Variants in CPNE4 observed in about 807,000 individuals in gnomAD.
CPNE4 encodes copine-4.
CPNE4 carries 25 observed loss-of-function variants against 67.9 expected under a neutral mutation model. That is an observed-to-expected ratio of 0.37 (90% CI 0.27 to 0.51). CPNE4 has a LOEUF of 0.51. Ranked by LOEUF, CPNE4 falls within the 20% of genes least tolerant of loss-of-function variation. The pLI, the probability that CPNE4 is intolerant of heterozygous loss-of-function variation, is 0.93. For missense variants in CPNE4, 464 were observed against 690.8 expected (o/e 0.67, Z 3.68); for synonymous variants, 242 against 244.9 (o/e 0.99, Z 0.11).
chr3:131,725,057 T>C (rs921874810), intron 2 of CPNE4, among the ~76,000 whole-genome samples: 1 of 152,218 alleles, frequency 6.6e-6, no homozygotes, highest in Admixed American at 6.5e-5. Context: ...AATAGAAATA[T>C]GGTTTATTGG....
intron 7 of CPNE4, among the ~76,000 whole-genome samples, chr3:131,607,852 TAGG>T (rs1407250718): frequency 2.0e-5 from 3 of 152,170 alleles, no homozygotes; most frequent in Admixed American, 6.6e-5. Context: ...TGCCTATTAC[TAGG>T]AGGAGGTAAA....
intron 2 of CPNE4, among the ~76,000 whole-genome samples, chr3:131,816,019 C>T (rs1334355755): frequency 1.3e-5 from 2 of 152,174 alleles, no homozygotes; most frequent in East Asian, 3.8e-4. Context: ...CCATAGTTAG[C>T]TTGGCCTATG....
chr3:131,947,004 A>G (rs1229783912), intron 1 of CPNE4, among the ~76,000 whole-genome samples: 1 of 152,130 alleles, frequency 6.6e-6, no homozygotes, highest in African/African-American at 2.4e-5. Flanking sequence ...TCAAGAATCA[A>G]TTGGTCATAG....
At chr3:131,845,355 A>G (rs942713791) in intron 2 of CPNE4, among the ~76,000 whole-genome samples, 6 of 152,216 alleles carry the variant, frequency 3.9e-5, no homozygotes, top group Admixed American at 3.9e-4. Context: ...TAAAAAAGAT[A>G]AATGTTTTAC....
chr3:131,746,225 T>C lies in CPNE4; in HGVS notation c.181-22600A>G, dbSNP rs569669517. ...CATATATAGTGTGATAATCAAACCA[T>C]GGTAATTAGCATGCCCACCATCTTA... On this transcript the variant is annotated intron_variant, in intron 2 of 15. Coordinates refer to ENST00000429747, the MANE Select transcript of CPNE4 (RefSeq NM_130808.3). Among the ~76,000 whole-genome samples, 12 of 152,232 alleles carry C rather than the reference T, an allele frequency of 7.9e-5. No individual in the cohort carries two copies. In the South Asian group the frequency reaches 2.3e-3, roughly 29 times the overall value.
intron 2 of CPNE4, among the ~76,000 whole-genome samples, chr3:131,895,599 A>T (rs1001841840): frequency 3.3e-5 from 5 of 152,080 alleles, no homozygotes; most frequent in Admixed American, 1.3e-4. Flanking sequence ...ATGAAAATTT[A>T]TACTAACAAA....
At chr3:131,844,770 T>C (rs1021977160) in intron 2 of CPNE4, among the ~76,000 whole-genome samples, 6 of 152,224 alleles carry the variant, frequency 3.9e-5, no homozygotes, top group African/African-American at 1.4e-4. Flanking sequence ...TCCCATTCCA[T>C]TTTTAATTTT....
intron 2 of CPNE4, among the ~76,000 whole-genome samples, chr3:131,840,242 T>C (rs1341991869): frequency 1.3e-5 from 2 of 152,202 alleles, no homozygotes; most frequent in Non-Finnish European, 1.5e-5. Context: ...CCATTAGTCA[T>C]TTGGATCATT....
At chr3:131,714,238 C>T (rs764568549) in intron 3 of CPNE4, among the ~76,000 whole-genome samples, 5 of 152,070 alleles carry the variant, frequency 3.3e-5, no homozygotes, top group Non-Finnish European at 7.4e-5. Flanking sequence ...TGGCTCATCC[C>T]GACACTAAAC....
rs115182677 is a variant in CPNE4 at position 131,867,609 on chromosome 3, T to C, written c.180+37655A>G. ...TGTTCTCAGAAAATGCTAGTAACTT[T>C]CCTACCACAACTGCCTTTGATAGTT... On this transcript the variant is annotated intron_variant, in intron 2 of 15. Transcript: ENST00000429747. Among the ~76,000 whole-genome samples the C allele has an allele frequency of 8.4e-3, 1,284 of 152,240 alleles. 14 individuals are homozygous for C. The highest frequency in any genetic ancestry group is 0.029 in the African/African-American group (1,188 of 41,532).
chr3:131,878,413 T>A (rs565382668), intron 2 of CPNE4, among the ~76,000 whole-genome samples: 1 of 152,134 alleles, frequency 6.6e-6, no homozygotes, highest in South Asian at 2.1e-4. Flanking sequence ...TCAAAGATAA[T>A]AAAAAATAAT....
intron 2 of CPNE4, among the ~76,000 whole-genome samples, chr3:131,886,701 C>T (rs1407632975): frequency 7.3e-6 from 1 of 136,346 alleles, no homozygotes; most frequent in Non-Finnish European, 1.7e-5. Context: ...ATCAGTGTGA[C>T]CTGGATGTAA....
At chr3:131,842,222 G>A (rs2085814127) in intron 2 of CPNE4, among the ~76,000 whole-genome samples, 1 of 152,218 alleles carries the variant, frequency 6.6e-6, no homozygotes, top group East Asian at 1.9e-4. Flanking sequence ...ACAAAGAATG[G>A]GAATGGGCCA....
chr3:132,017,521 T>C (rs2073912001), intron 1 of CPNE4: 1 of 152,242 alleles, frequency 6.6e-6, no homozygotes, highest in African/African-American at 2.4e-5. Context: ...TAGCTCTTGG[T>C]GTCTTAGAGG....
At chr3:131,562,905 T>C (rs575578348) in intron 11 of CPNE4, among the ~76,000 whole-genome samples, 2 of 152,188 alleles carry the variant, frequency 1.3e-5, no homozygotes, top group South Asian at 4.1e-4. Flanking sequence ...TTCCTGGATG[T>C]ACAGGAGAGG....
At chr3:131,864,395 G>A (rs1255488944) in intron 2 of CPNE4, among the ~76,000 whole-genome samples, 1 of 152,096 alleles carries the variant, frequency 6.6e-6, no homozygotes, top group Admixed American at 6.5e-5. Context: ...GCAGTGGTTT[G>A]TAGTTCTCCT....
chr3:131,803,443 T>A (rs1194209157), intron 2 of CPNE4, among the ~76,000 whole-genome samples: 3 of 152,286 alleles, frequency 2.0e-5, no homozygotes, highest in Non-Finnish European at 4.4e-5. Context: ...CTCTATCAAG[T>A]TTTTCTACAT....
chr3:131,996,299 G>A (rs1438566209), intron 1 of CPNE4, among the ~76,000 whole-genome samples: 2 of 152,052 alleles, frequency 1.3e-5, no homozygotes, highest in Non-Finnish European at 2.9e-5. Flanking sequence ...ATGGAGAGTA[G>A]GAGGAGAAAG....
At chr3:131,850,900 T>G (rs2086215745) in intron 2 of CPNE4, among the ~76,000 whole-genome samples, 1 of 152,148 alleles carries the variant, frequency 6.6e-6, no homozygotes, top group Non-Finnish European at 1.5e-5. Flanking sequence ...AGCTATGCTC[T>G]TAACCATTTT....
Sources: allele counts gnomAD v4.1 joint callset (sites outside exome capture counted in the v4.1 genomes callset), GRCh38; gene constraint gnomAD v4.1.1; transcripts MANE v1.5; gene names NCBI Gene and HGNC (gene_info 2026-07-23, HGNC 2026-07-21).